Variants in DGKB observed in about 807,000 individuals in gnomAD.
The protein encoded by DGKB is 90 kDa diacylglycerol kinase.
Under a neutral mutation model 114.3 loss-of-function variants are expected in DGKB, and 67 were observed. The observed-to-expected ratio is 0.59, with a 90% CI of 0.48 to 0.72. DGKB has a LOEUF of 0.72. Among genes scored for constraint, DGKB ranks in the 30% least tolerant of loss-of-function variants. DGKB has a pLI of 0.00. For synonymous variants in DGKB, 398 were observed against 323.1 expected (o/e 1.23, Z -2.49); for missense variants, 907 against 975.2 (o/e 0.93, Z 0.93).
chr7:14,441,292 C>G (rs1168599190), intron 21 of DGKB, among the ~76,000 whole-genome samples: 1 of 152,160 alleles, frequency 6.6e-6, no homozygotes, highest in African/African-American at 2.4e-5. Context: ...CAGGCATGAG[C>G]CACCACGCCC....
chr7:14,866,275 A>C (rs1056636308), intron 1 of DGKB, among the ~76,000 whole-genome samples: 1 of 152,146 alleles, frequency 6.6e-6, no homozygotes, highest in African/African-American at 2.4e-5. Flanking sequence ...ATAATCACCG[A>C]AAGTCCATAG....
intron 4 of DGKB, among the ~76,000 whole-genome samples, chr7:14,743,277 A>ATTATT: frequency 6.6e-6 from 1 of 152,324 alleles, no homozygotes; most frequent in South Asian, 2.1e-4. Flanking sequence ...AAAGATTTTC[A>ATTATT]TGTGCCTTGT....
chr7:14,835,075 A>C (rs1846966677), intron 2 of DGKB, among the ~76,000 whole-genome samples: 1 of 152,162 alleles, frequency 6.6e-6, no homozygotes, highest in Non-Finnish European at 1.5e-5. Flanking sequence ...TATTCTAGAA[A>C]TATAATCTGG....
chr7:14,677,945 GA>G (rs1820158134), intron 12 of DGKB, among the ~76,000 whole-genome samples: 1 of 151,998 alleles, frequency 6.6e-6, no homozygotes. Flanking sequence ...ATATCTACAA[GA>G]TAGCCAACTA....
chr7:14,415,939 C>T (rs547884097), intron 21 of DGKB, among the ~76,000 whole-genome samples: 135 of 152,248 alleles, frequency 8.9e-4, no homozygotes, highest in Non-Finnish European at 1.5e-3. Flanking sequence ...CCTGTTGTTT[C>T]CTGACTTTTT....
chr7:14,742,592 T>TTCA (rs1351104302), intron 4 of DGKB, among the ~76,000 whole-genome samples: 2 of 152,208 alleles, frequency 1.3e-5, no homozygotes, highest in Non-Finnish European at 2.9e-5. Context: ...TAGAGAACTG[T>TTCA]TCAACTTGCC....
intron 2 of DGKB, among the ~76,000 whole-genome samples, chr7:14,839,161 G>C (rs1847565220): frequency 6.6e-6 from 1 of 151,858 alleles, no homozygotes; most frequent in Non-Finnish European, 1.5e-5. Context: ...TCCTTGAATG[G>C]AGGACACATA....
chr7:14,270,917 TA>T (rs1490287426), intron 23 of DGKB, among the ~76,000 whole-genome samples: 2 of 152,158 alleles, frequency 1.3e-5, no homozygotes, highest in African/African-American at 4.8e-5. Context: ...AGAGAAAACT[TA>T]AACATATGGT....
At chr7:14,966,257 C>T (rs375485572) in intron 1 of DGKB, among the ~76,000 whole-genome samples, 1 of 151,946 alleles carries the variant, frequency 6.6e-6, no homozygotes, top group Non-Finnish European at 1.5e-5. Context: ...CTGATGAACC[C>T]AGTCTTAAGA....
At chr7:14,605,076 C>T (rs989585129) in intron 17 of DGKB, among the ~76,000 whole-genome samples, 11 of 152,052 alleles carry the variant, frequency 7.2e-5, no homozygotes, top group Non-Finnish European at 1.2e-4. Flanking sequence ...TATTTGAACA[C>T]ACTTTCAAGA....
chr7:14,364,062 T>C (rs1196414450), intron 21 of DGKB, among the ~76,000 whole-genome samples: 4 of 152,024 alleles, frequency 2.6e-5, no homozygotes, highest in Non-Finnish European at 5.9e-5. Flanking sequence ...CCGACTTTAT[T>C]GACTCAGTAC....
chr7:14,516,773 G>A (rs1788860060), intron 20 of DGKB, among the ~76,000 whole-genome samples: 1 of 152,012 alleles, frequency 6.6e-6, no homozygotes, highest in Non-Finnish European at 1.5e-5. Flanking sequence ...GAGCTTTTAG[G>A]CAGAGACTAT....
At chr7:14,819,365 C>T (rs954958248) in intron 2 of DGKB, among the ~76,000 whole-genome samples, 5 of 151,850 alleles carry the variant, frequency 3.3e-5, no homozygotes, top group African/African-American at 7.3e-5. Flanking sequence ...GGCGGGTGAA[C>T]GCTTGAGCCC....
intron 20 of DGKB, among the ~76,000 whole-genome samples, chr7:14,532,772 C>T (rs146430454): frequency 3.3e-5 from 5 of 151,700 alleles, no homozygotes; most frequent in African/African-American, 4.8e-5. Context: ...CATTATCAAG[C>T]ATATACACTA....
intron 21 of DGKB, among the ~76,000 whole-genome samples, chr7:14,387,390 T>A (rs1483337185): frequency 1.4e-5 from 2 of 140,546 alleles, no homozygotes; most frequent in East Asian, 4.2e-4. Context: ...TCCAGCCTTG[T>A]GACAGAGTGA....
chr7:14,889,094 G>A (rs1424224207), intron 1 of DGKB, among the ~76,000 whole-genome samples: 1 of 151,636 alleles, frequency 6.6e-6, no homozygotes. Context: ...TCAGGTTCCA[G>A]CATTGGCAAG....
At chr7:14,808,465 G>C (rs925334042) in intron 2 of DGKB, among the ~76,000 whole-genome samples, 1 of 151,986 alleles carries the variant, frequency 6.6e-6, no homozygotes, top group African/African-American at 2.4e-5. Flanking sequence ...GAGTCCAAAT[G>C]AAATGTAATA....
At chr7:14,737,724 T>C (rs1417258136) in intron 4 of DGKB, among the ~76,000 whole-genome samples, 4 of 152,104 alleles carry the variant, frequency 2.6e-5, no homozygotes, top group African/African-American at 9.7e-5. Flanking sequence ...CAAGGACACT[T>C]CAGATATTTA....
chr7:14,885,702 G>A (rs1854949582), intron 1 of DGKB, among the ~76,000 whole-genome samples: 2 of 151,860 alleles, frequency 1.3e-5, no homozygotes, highest in African/African-American at 4.8e-5. Flanking sequence ...ACTGTGCTAA[G>A]ATAATTCCAT....
Sources: gnomAD v4.1 joint callset for allele counts (sites outside exome capture counted in the v4.1 genomes callset) on GRCh38, gnomAD v4.1.1 for gene constraint, MANE v1.5 for transcripts, NCBI Gene and HGNC (gene_info 2026-07-23, HGNC 2026-07-21) for gene names.